PARD6G: variants seen among roughly 807,000 people sequenced by gnomAD.
PARD6G encodes the protein partitioning defective 6 homolog gamma.
Under a neutral mutation model 10.7 loss-of-function variants are expected in PARD6G, and 7 were observed. That is an observed-to-expected ratio of 0.66 (90% CI 0.37 to 1.23). PARD6G has a LOEUF of 1.23. Among genes scored for constraint, PARD6G ranks in the 50% most tolerant of loss-of-function variants. The probability of loss-of-function intolerance (pLI) is 0.02; values close to 1 mark genes in which losing one functional copy is unlikely to be tolerated. For synonymous variants in PARD6G, 287 were observed against 269.4 expected, an observed-to-expected ratio of 1.07 and a Z score of -0.64; for missense variants, 548 against 571.8, an observed-to-expected ratio of 0.96 and a Z score of 0.42.
chr18:80,202,647 G>T, intron 2 of PARD6G, 63 bp downstream of exon 2: 1 of 1,441,170 alleles, frequency 6.9e-7, no homozygotes, highest in Non-Finnish European at 9.7e-7. Context: ...AGAAAAAATT[G>T]AAAACTGTAT....
At position 80,192,133 on chromosome 18, in the gene PARD6G, A is replaced by G. The variant is rs144910099; in HGVS notation, c.295+10577T>C. On this transcript the variant is annotated intron_variant, in intron 2 of 2. Coordinates refer to ENST00000353265, the MANE Select transcript of PARD6G (RefSeq NM_032510.4). This position sits in a 1 kb window ranked among gnomAD's most constrained non-coding sequence, Gnocchi z 4.9. ...TCATTAAGGAGTCACTAAAAACCCTAGAAGGTGTTGGGGTCACAAGACCAG... is the reference window on the plus strand; with the variant it reads ...TCATTAAGGAGTCACTAAAAACCCTGGAAGGTGTTGGGGTCACAAGACCAG... 6.6e-6 allele frequency among the ~76,000 whole-genome samples: 1 copy of G among 152,366 alleles called. No individual in the cohort carries two copies. The highest frequency in any genetic ancestry group is 1.5e-5 in the Non-Finnish European group (1 of 68,034).
rs563011316 is a variant in PARD6G, at chr18:80,197,397, G to A, written c.295+5313C>T. The A allele has an allele frequency of 6.6e-5, 10 of 152,148 alleles. No individual in the cohort carries two copies. In the East Asian group the frequency reaches 1.5e-3, roughly 23 times the overall value. 9.4% of individuals were successfully genotyped at this position (152,148 alleles called of 1,614,324 possible). ...AAATCAGAGCAAAATACACCCCATC[G>A]GGCAAATTCTGATAAATCAAATAGT... On this transcript the variant is annotated intron_variant, in intron 2 of 2. Transcript: ENST00000353265.
intron 1 of PARD6G, among the ~76,000 whole-genome samples, chr18:80,227,150 GAC>G (rs1258382290): frequency 6.6e-6 from 1 of 152,172 alleles, no homozygotes; most frequent in East Asian, 1.9e-4. Context: ...TATTTGTAGA[GAC>G]AGTCTCACCA....
chr18:80,210,679 A>G (rs1967098429), intron 1 of PARD6G, among the ~76,000 whole-genome samples: 1 of 152,206 alleles, frequency 6.6e-6, no homozygotes, highest in Non-Finnish European at 1.5e-5. Context: ...GGCCAAGTTT[A>G]TTTTGTTAGT....
intron 1 of PARD6G, among the ~76,000 whole-genome samples, chr18:80,215,775 A>ACTATGTCAGG: frequency 6.6e-6 from 1 of 152,206 alleles, no homozygotes; most frequent in Admixed American, 6.5e-5. Flanking sequence ...GTCAGTAATT[A>ACTATGTCAGG]AATGTAAATG....
Position 80,188,577 on chromosome 18 carries a change from G to A in PARD6G, c.295+14133C>T, listed in dbSNP as rs1178077438. On this transcript the variant is annotated intron_variant, in intron 2 of 2. Coordinates refer to ENST00000353265, the MANE Select transcript of PARD6G (RefSeq NM_032510.4). The surrounding 1 kb of genome is among the most constrained non-coding windows in gnomAD (Gnocchi z 5.4). ...CAGCACAACCATCCCAGCCCTCCTC[G>A]GATGCCCAGTTCGCCAGAGGAAGGG... 2.0e-5 allele frequency among the ~76,000 whole-genome samples: 3 copies of A among 152,126 alleles called. No homozygotes were observed. Among genetic ancestry groups the A allele is most frequent in the African/African-American group, 2.4e-5 (1 of 41,408 alleles).
In PARD6G at chr18:80,167,207, G is replaced by A. The variant is rs546708565; in HGVS notation, c.296-6601C>T. On this transcript the variant is annotated intron_variant, in intron 2 of 2. Coordinates refer to ENST00000353265, the MANE Select transcript of PARD6G (RefSeq NM_032510.4). ...TGTGGACGTGTGTGCAGGATAACAC[G>A]TGGGCAGTGTTGTGTGTGGACCTGT... 9.9e-5 allele frequency among the ~76,000 whole-genome samples: 15 copies of A among 151,482 alleles called. No homozygotes were observed. The East Asian group carries it at 1.9e-3, about 20-fold the overall frequency.
Position 80,235,650 on chromosome 18 carries a change from C to T in PARD6G, c.72+11627G>A, listed in dbSNP as rs567696247. 3.8e-4 allele frequency among the ~76,000 whole-genome samples: 58 copies of T among 152,148 alleles called. No individual in the cohort carries two copies. The East Asian group carries it at 0.011, about 29-fold the overall frequency. On this transcript the variant is annotated intron_variant, in intron 1 of 2. Transcript: ENST00000353265. Reference sequence around the variant, plus strand: ...AGAAGAGAGAAGAATCAAATAGAAGCAATAAAAAATGATAAAGGGAATATC... The same window carrying T: ...AGAAGAGAGAAGAATCAAATAGAAGTAATAAAAAATGATAAAGGGAATATC...
Position 80,231,842 on chromosome 18 carries a change from A to G in PARD6G, c.72+15435T>C, listed in dbSNP as rs1967361318. On this transcript the variant is annotated intron_variant, in intron 1 of 2. Coordinates refer to ENST00000353265, the MANE Select transcript of PARD6G (RefSeq NM_032510.4). The surrounding 1 kb of genome is among the most constrained non-coding windows in gnomAD (Gnocchi z 4.2). ...AGGGATGGCTGCCGAGCCCTTCTCA[A>G]AAACCCAAAGTTGCAAGCACAGTAA... Among the ~76,000 whole-genome samples, 1 of 152,144 alleles carries G rather than the reference A, an allele frequency of 6.6e-6. No individual in the cohort carries two copies. The highest frequency in any genetic ancestry group is 1.5e-5 in the Non-Finnish European group (1 of 68,028).
chr18:80,191,341 C>G (rs1966894676), intron 2 of PARD6G, among the ~76,000 whole-genome samples: 1 of 152,014 alleles, frequency 6.6e-6, no homozygotes, highest in Admixed American at 6.5e-5. Context: ...GAGGCGATGC[C>G]TTTGTAAAAT....
intron 1 of PARD6G, among the ~76,000 whole-genome samples, chr18:80,232,917 A>G (rs1403825263): frequency 1.3e-5 from 2 of 152,216 alleles, no homozygotes; most frequent in African/African-American, 4.8e-5. Context: ...CTCATGGTGC[A>G]GGACAGGTGA....
chr18:80,193,385 T>C (rs1966917405), intron 2 of PARD6G, among the ~76,000 whole-genome samples: 2 of 152,226 alleles, frequency 1.3e-5, no homozygotes, highest in African/African-American at 4.8e-5. Flanking sequence ...TTGAAATTTC[T>C]AGCAAGACCA....
At chr18:80,215,098 G>A (rs1027268992) in intron 1 of PARD6G, among the ~76,000 whole-genome samples, 1 of 152,054 alleles carries the variant, frequency 6.6e-6, no homozygotes, top group African/African-American at 2.4e-5. Context: ...AGGCAGTGGG[G>A]ATAATTCTAT....
rs1019365044 is a variant in PARD6G at position 80,161,363 on chromosome 18, G to A, written c.296-757C>T. Among the ~76,000 whole-genome samples, 7 of 152,208 alleles carry A rather than the reference G, an allele frequency of 4.6e-5. No homozygotes were observed. Among genetic ancestry groups the A allele is most frequent in the African/African-American group, 1.7e-4 (7 of 41,530 alleles). Reference sequence around the variant, plus strand: ...GTCTCCCAGGGACCCTGTGGGATCCGCCTGCCCACACCTGCCAGCCTGTGG... The same window carrying A: ...GTCTCCCAGGGACCCTGTGGGATCCACCTGCCCACACCTGCCAGCCTGTGG... On this transcript the variant is annotated intron_variant, in intron 2 of 2. Coordinates refer to ENST00000353265, the MANE Select transcript of PARD6G (RefSeq NM_032510.4). This position sits in a 1 kb window ranked among gnomAD's most constrained non-coding sequence, Gnocchi z 4.6.
chr18:80,242,139 C>T (rs757465691), intron 1 of PARD6G, among the ~76,000 whole-genome samples: 2 of 152,164 alleles, frequency 1.3e-5, no homozygotes, highest in African/African-American at 4.8e-5. Flanking sequence ...GGGGCAGTGA[C>T]GCCATCAGTG....
intron 1 of PARD6G, among the ~76,000 whole-genome samples, chr18:80,205,652 T>A (rs868788692): frequency 3.1e-4 from 47 of 152,188 alleles, no homozygotes; most frequent in African/African-American, 1.1e-3. Context: ...CCTACTCCCA[T>A]CTTGCCTTCT....
intron 1 of PARD6G, among the ~76,000 whole-genome samples, chr18:80,235,783 C>T (rs1967415150): frequency 6.6e-6 from 1 of 152,178 alleles, no homozygotes; most frequent in Admixed American, 6.5e-5. Flanking sequence ...CACATACACC[C>T]TCCCAAGACT....
intron 2 of PARD6G, chr18:80,162,403 C>T (rs2052706508): frequency 1.2e-5 from 2 of 165,922 alleles, no homozygotes; most frequent in African/African-American, 4.8e-5. Flanking sequence ...AATAAAATGA[C>T]ACTTGTAATA....
intron 1 of PARD6G, among the ~76,000 whole-genome samples, chr18:80,219,209 T>C (rs7241064): frequency 9.4e-5 from 11 of 117,342 alleles, no homozygotes; most frequent in African/African-American, 3.0e-4. Flanking sequence ...ATAGGGTTTG[T>C]TTGTTTGTTT....
Sources: gnomAD v4.1 joint callset for allele counts (sites outside exome capture counted in the v4.1 genomes callset) on GRCh38, gnomAD v4.1.1 for gene constraint, Gnocchi (gnomAD v3.1) non-coding constraint, MANE v1.5 for transcripts, NCBI Gene and HGNC (gene_info 2026-07-23, HGNC 2026-07-21) for gene names.